CYP2C19: variants seen among roughly 807,000 people sequenced by gnomAD.
The protein encoded by CYP2C19 is cytochrome P450 2C19.
Under a neutral mutation model 40.9 loss-of-function variants are expected in CYP2C19, and 59 were observed. The ratio of observed to expected loss-of-function variants is 1.44; its 90% CI spans 1.17 to 1.79. CYP2C19 has a LOEUF of 1.79. Ranked by LOEUF, CYP2C19 falls within the 40% of genes most tolerant of loss-of-function variation. CYP2C19 has a pLI of 0.00. For synonymous variants in CYP2C19, 253 were observed against 208.7 expected, an observed-to-expected ratio of 1.21 and a Z score of -1.83; for missense variants, 754 against 596.9, an observed-to-expected ratio of 1.26 and a Z score of -2.74.
At chr10:94,813,928 A>C (rs1209995606) in intron 5 of CYP2C19, among the ~76,000 whole-genome samples, 1 of 150,650 alleles carries the variant, frequency 6.6e-6, no homozygotes, top group East Asian at 2.0e-4. Context: ...CTCTGAAGGG[A>C]ATCTTCTGGT....
At chr10:94,786,713 C>G (rs1300538758) in intron 5 of CYP2C19, among the ~76,000 whole-genome samples, 1 of 151,990 alleles carries the variant, frequency 6.6e-6, no homozygotes, top group Non-Finnish European at 1.5e-5. Context: ...ATAGTAATTC[C>G]CAGTGTGTAT....
chr10:94,834,351 T>C (rs943777434), intron 6 of CYP2C19, among the ~76,000 whole-genome samples: 2 of 152,108 alleles, frequency 1.3e-5, no homozygotes, highest in Non-Finnish European at 2.9e-5. Context: ...TATTGCTTCC[T>C]TTTTTATTTT....
intron 5 of CYP2C19, among the ~76,000 whole-genome samples, chr10:94,816,525 T>A (rs964949805): frequency 6.6e-6 from 1 of 152,212 alleles, no homozygotes; most frequent in Non-Finnish European, 1.5e-5. Flanking sequence ...GTCTTTGTAC[T>A]ACTTATTTAT....
chr10:94,822,736 T>C (rs894708834), intron 6 of CYP2C19, among the ~76,000 whole-genome samples: 1 of 152,174 alleles, frequency 6.6e-6, no homozygotes, highest in African/African-American at 2.4e-5. Context: ...CAGCATCTCT[T>C]GTTTTTGGAC....
chr10:94,763,393 T>C (rs1848199706), intron 1 of CYP2C19, among the ~76,000 whole-genome samples: 1 of 152,158 alleles, frequency 6.6e-6, no homozygotes, highest in African/African-American at 2.4e-5. Flanking sequence ...ATCCACAAAC[T>C]AATGTTTTAA....
At position 94,770,183 on chromosome 10, in the gene CYP2C19, C is replaced by A. The variant is rs188025128; in HGVS notation, c.169-4875C>A. 2.4e-3 allele frequency among the ~76,000 whole-genome samples: 363 copies of A among 152,210 alleles called. 2 individuals are homozygous for A. The highest frequency in any genetic ancestry group is 4.8e-3 in the Admixed American group (73 of 15,290). On this transcript the variant is annotated intron_variant, in intron 1 of 8. Coordinates refer to ENST00000371321, the MANE Select transcript of CYP2C19 (RefSeq NM_000769.4). ...CAGTGAGGGTGATGACATGGGCTGG[C>A]ACTTACCCTGGGCACCCTGAGTCCT...
chr10:94,769,437 G>A (rs1848296754), intron 1 of CYP2C19, among the ~76,000 whole-genome samples: 1 of 152,140 alleles, frequency 6.6e-6, no homozygotes, highest in Non-Finnish European at 1.5e-5. Context: ...AGAGTGCAGG[G>A]GAATACAGAA....
At chr10:94,849,843 T>C in intron 7 of CYP2C19, 74 bp from the exon 8 acceptor site, 1 of 1,553,736 alleles carries the variant, frequency 6.4e-7, no homozygotes, top group Non-Finnish European at 8.9e-7. Context: ...AAGATTTAAC[T>C]GCATGATTAC....
At position 94,828,993 on chromosome 10, in the gene CYP2C19, C is replaced by T. The variant is rs571572594; in HGVS notation, c.961+8356C>T. On this transcript the variant is annotated intron_variant, in intron 6 of 8. Coordinates refer to ENST00000371321, the MANE Select transcript of CYP2C19 (RefSeq NM_000769.4). ...CTTTAAGAATGTTGAATATTGGCCC[C>T]CACTCTCTTCTGGCTTGTAGAGTTT... Among the ~76,000 whole-genome samples the T allele has an allele frequency of 3.9e-5, 6 of 152,164 alleles. No individual in the cohort carries two copies. The South Asian group carries it at 1.2e-3, about 32-fold the overall frequency.
intron 5 of CYP2C19, among the ~76,000 whole-genome samples, chr10:94,785,520 G>A (rs1308996115): frequency 3.3e-5 from 5 of 152,048 alleles, no homozygotes; most frequent in Admixed American, 3.3e-4. Flanking sequence ...CATTGGTCTT[G>A]ATGTCTATCT....
rs111703852 is a variant in CYP2C19, at chr10:94,786,006, T to C, written c.819+4009T>C. 2.5e-3 allele frequency among the ~76,000 whole-genome samples: 381 copies of C among 152,216 alleles called. 2 individuals carry two copies. Among genetic ancestry groups the C allele is most frequent in the African/African-American group, 8.0e-3 (333 of 41,568 alleles). ...CCTATATAAATCAGACACTGCCTTT[T>C]CCGGCCTGCCTATAAAATCTGCTGT... On this transcript the variant is annotated intron_variant, in intron 5 of 8. Transcript: ENST00000371321.
chr10:94,832,094 A>G (rs773307803), intron 6 of CYP2C19, among the ~76,000 whole-genome samples: 16 of 152,204 alleles, frequency 1.1e-4, no homozygotes, highest in Non-Finnish European at 2.4e-4. Context: ...GGCAAGATAT[A>G]TGAGTCCAGA....
rs533182086 is a variant in CYP2C19 at position 94,827,716 on chromosome 10, T to C, written c.961+7079T>C. Among the ~76,000 whole-genome samples the C allele has an allele frequency of 3.1e-3, 467 of 152,332 alleles. 3 individuals are homozygous for C. Among genetic ancestry groups the C allele is most frequent in the African/African-American group, 0.011 (444 of 41,556 alleles). ...GTTGCCTTCTGCTAGCATTTGAATG[T>C]GTTTGCTCTTGCTTTTCTAGTTCTT... On this transcript the variant is annotated intron_variant, in intron 6 of 8. Coordinates refer to ENST00000371321, the MANE Select transcript of CYP2C19 (RefSeq NM_000769.4).
intron 4 of CYP2C19, 58 bp from the exon 5 acceptor site, chr10:94,781,763 A>G (rs1450201293): frequency 6.4e-5 from 54 of 845,182 alleles, no homozygotes; most frequent in Admixed American, 3.7e-5. Flanking sequence ...AGCTTGGCAT[A>G]TTGTATCTAT....
intron 5 of CYP2C19, among the ~76,000 whole-genome samples, chr10:94,790,318 C>T (rs919134665): frequency 1.3e-5 from 2 of 152,074 alleles, no homozygotes; most frequent in African/African-American, 4.8e-5. Flanking sequence ...TCCTCTTTTC[C>T]TAATTGAATA....
At chr10:94,772,476 T>C (rs1848347299) in intron 1 of CYP2C19, among the ~76,000 whole-genome samples, 1 of 152,130 alleles carries the variant, frequency 6.6e-6, no homozygotes, top group African/African-American at 2.4e-5. Flanking sequence ...GAAGTTTGTC[T>C]GGCAGGCATT....
intron 5 of CYP2C19, among the ~76,000 whole-genome samples, chr10:94,792,236 T>C (rs1305191156): frequency 6.6e-6 from 1 of 152,194 alleles, no homozygotes; most frequent in East Asian, 1.9e-4. Flanking sequence ...TCCATCCCTT[T>C]ATTTTGAGCC....
At chr10:94,817,324 G>T (rs1849021928) in intron 5 of CYP2C19, among the ~76,000 whole-genome samples, 1 of 151,084 alleles carries the variant, frequency 6.6e-6, no homozygotes, top group Non-Finnish European at 1.5e-5. Flanking sequence ...TTTCTCTGAT[G>T]GCCAGTGATG....
intron 6 of CYP2C19, among the ~76,000 whole-genome samples, chr10:94,841,171 G>A (rs954320752): frequency 6.6e-6 from 1 of 152,178 alleles, no homozygotes; most frequent in Non-Finnish European, 1.5e-5. Context: ...TGCAGTGAGT[G>A]TTATAGCTCT....
Sources: gnomAD v4.1 joint callset for allele counts (sites outside exome capture counted in the v4.1 genomes callset) on GRCh38, gnomAD v4.1.1 for gene constraint, MANE v1.5 for transcripts, NCBI Gene and HGNC (gene_info 2026-07-23, HGNC 2026-07-21) for gene names.